EMC1: variants seen among roughly 807,000 people sequenced by gnomAD.
The protein encoded by EMC1 is ER membrane protein complex subunit 1.
In EMC1, 103 loss-of-function variants were observed where a neutral mutation model predicts 128.8. That is an observed-to-expected ratio of 0.80 (90% CI 0.68 to 0.94). The LOEUF (loss-of-function observed/expected upper bound fraction) is 0.94, where lower values mean the gene tolerates loss of function less well. Ranked by LOEUF, EMC1 falls within the 40% of genes least tolerant of loss-of-function variation. The pLI is 0.00. For synonymous variants in EMC1, 442 were observed against 490.4 expected, an observed-to-expected ratio of 0.90 and a Z score of 1.30; for missense variants, 1,083 against 1,250.6, an observed-to-expected ratio of 0.87 and a Z score of 2.02.
chr1:19,244,906 A>C lies in EMC1; in HGVS notation c.220T>G (p.Leu74Val). The change falls in exon 2 of 23, where the codon TTG becomes GTG. Residue 74 changes from leucine (L) to valine (V), a missense_variant and splice_region_variant. Transcript: ENST00000477853. ...TAGACACAGTTCTCAGTTCACTCAC[A>C]GATCTCCCCAGTTCGGGAATTTAAT... Reference protein sequence around the residue: ...AALNSRTGEILWRHVDKGTAE... With the variant: ...AALNSRTGEIVWRHVDKGTAE... 1 of 1,613,576 alleles carries C rather than the reference A, an allele frequency of 6.2e-7. No homozygotes were observed. Among genetic ancestry groups the C allele is most frequent in the Non-Finnish European group, 8.5e-7 (1 of 1,179,616 alleles).
At chr1:19,237,259 C>G in intron 11 of EMC1, 21 bp from the exon 12 acceptor site, 1 of 1,582,362 alleles carries the variant, frequency 6.3e-7, no homozygotes, top group Non-Finnish European at 8.7e-7. Flanking sequence ...CAGTCAAGAC[C>G]GGTGTAGTCA....
intron 6 of EMC1, 61 bp from the exon 7 acceptor site, chr1:19,240,507 C>T: frequency 6.3e-7 from 1 of 1,588,250 alleles, no homozygotes; most frequent in Non-Finnish European, 8.6e-7. Context: ...CCCTCTCAGC[C>T]CAACAGCAAT....
intron 4 of EMC1, among the ~76,000 whole-genome samples, 189 bp downstream of exon 4, chr1:19,243,425 C>T (rs1234665480): frequency 6.6e-6 from 1 of 152,182 alleles, no homozygotes; most frequent in Non-Finnish European, 1.5e-5. Context: ...CACCTAGAAA[C>T]TCTGCATCTA....
At chr1:19,240,043 C>T in intron 7 of EMC1, 58 bp from the exon 8 acceptor site, 1 of 1,526,618 alleles carries the variant, frequency 6.6e-7, no homozygotes, top group Non-Finnish European at 8.9e-7. Context: ...CTGACCCATC[C>T]CAGGCTCACA....
At position 19,240,430 on chromosome 1, in the gene EMC1, G is replaced by C. The variant is rs766355680; in HGVS notation, c.653C>G (p.Pro218Arg). The C allele has an allele frequency of 6.2e-7, 1 of 1,614,042 alleles. No homozygotes were observed. Among genetic ancestry groups the C allele is most frequent in the African/African-American group, 1.3e-5 (1 of 74,930 alleles). ...GGCTCCAGACAGGTGCTGCAGCCAC[G>C]GAGTTGAAACCCTAACCTACAGAAA... ...EIVQQVRVST[P>R]WLQHLSGACG... Residue 218 changes from proline to arginine, a missense_variant, in exon 7 of 23, where the codon CCG becomes CGG. By Grantham distance (103) the Pro-to-Arg change is moderately radical (BLOSUM62 -2). Transcript: ENST00000477853.
intron 18 of EMC1, among the ~76,000 whole-genome samples, chr1:19,225,435 A>AG (rs1558094395): frequency 6.6e-6 from 1 of 152,126 alleles, no homozygotes; most frequent in African/African-American, 2.4e-5. Context: ...GCAGATCACG[A>AG]GATCAAGAGA....
Position 19,216,817 on chromosome 1 carries a change from A to G in EMC1, c.*2486T>C, listed in dbSNP as rs890549716. 5.9e-5 allele frequency: 9 copies of G among 152,214 alleles called. No homozygotes were observed. Among genetic ancestry groups the G allele is most frequent in the African/African-American group, 2.2e-4 (9 of 41,404 alleles). 9.4% of individuals were successfully genotyped at this position (152,214 alleles called of 1,614,324 possible). On this transcript the variant is annotated 3_prime_UTR_variant, in exon 23 of 23. Coordinates refer to ENST00000477853, the MANE Select transcript of EMC1 (RefSeq NM_015047.3). ...GTGATCCTCCTACCTCAGCCTCCTGAGTAGCTAGGACCACAGGCACATGCC... is the reference window on the plus strand; with the variant it reads ...GTGATCCTCCTACCTCAGCCTCCTGGGTAGCTAGGACCACAGGCACATGCC...
intron 2 of EMC1, among the ~76,000 whole-genome samples, chr1:19,244,327 A>C (rs1288854790): frequency 6.6e-6 from 1 of 152,242 alleles, no homozygotes; most frequent in African/African-American, 2.4e-5. Context: ...CCCTTATTTT[A>C]GTGCCTAAAA....
chr1:19,224,337 A>G (rs2151940158), intron 18 of EMC1, among the ~76,000 whole-genome samples: 1 of 152,318 alleles, frequency 6.6e-6, no homozygotes, highest in Admixed American at 6.5e-5. Flanking sequence ...GACTTCACTA[A>G]GAAATTATCT....
chr1:19,240,991 A>G, intron 6 of EMC1, 25 bp downstream of exon 6: 1 of 1,611,922 alleles, frequency 6.2e-7, no homozygotes, highest in East Asian at 2.2e-5. Flanking sequence ...CACCTTATTC[A>G]CAGGCTCCTG....
intron 5 of EMC1, among the ~76,000 whole-genome samples, chr1:19,241,509 C>A (rs974683612): frequency 6.6e-6 from 1 of 152,004 alleles, no homozygotes; most frequent in African/African-American, 2.4e-5. Context: ...CGCCTCATAG[C>A]ATTTTCTTTG....
At chr1:19,226,134 G>C (rs1012091308) in intron 18 of EMC1, among the ~76,000 whole-genome samples, 2 of 152,190 alleles carry the variant, frequency 1.3e-5, no homozygotes, top group Non-Finnish European at 2.9e-5. Flanking sequence ...AGTCTCTGCT[G>C]TACCAGAGGG....
chr1:19,223,091 T>C, intron 19 of EMC1: 1 of 559,912 alleles, frequency 1.8e-6, no homozygotes, highest in Non-Finnish European at 3.2e-6. Context: ...TTTGAATCAT[T>C]ACTAGGTGCC....
Position 19,219,389 on chromosome 1 carries a change from T to C in EMC1, c.2896A>G (p.Ser966Gly), listed in dbSNP as rs764032239. The part of the protein sequence containing the change: ...LKDDYDYVLI[S>G]SVLFGLVFAT... ...AAAACCAGGCCAAAGAGGACGCTGC[T>C]GATTAACACGTAGTCATAGTCATCC... Residue 966 changes from serine to glycine, a missense_variant, in exon 23 of 23, where the codon AGC (serine) becomes GGC (glycine). Coordinates refer to ENST00000477853, the MANE Select transcript of EMC1 (RefSeq NM_015047.3). 4 of 1,614,010 alleles carry C rather than the reference T, an allele frequency of 2.5e-6. No individual in the cohort carries two copies. The African/African-American group carries it at 5.3e-5, about 22-fold the overall frequency.
intron 20 of EMC1, chr1:19,221,223 C>T (rs1006175474): frequency 5.6e-6 from 1 of 177,954 alleles, no homozygotes; most frequent in Non-Finnish European, 1.2e-5. Context: ...GCTGTTCATG[C>T]AGCTGCGGTA....
chr1:19,226,051 C>T (rs2093470669), intron 18 of EMC1, among the ~76,000 whole-genome samples: 1 of 152,194 alleles, frequency 6.6e-6, no homozygotes, highest in East Asian at 1.9e-4. Flanking sequence ...CTGTGTTGCA[C>T]TGGCTCATGC....
rs149691838 is a variant in EMC1 at position 19,221,363 on chromosome 1, C to T, written c.2588-515G>A. 184 of 152,894 alleles carry T rather than the reference C, an allele frequency of 1.2e-3. 5 individuals carry two copies. The East Asian group carries it at 0.027, about 22-fold the overall frequency. The allele number at this position is 152,894 out of a possible 1,614,324, so 9.5% of individuals were successfully genotyped here. Reference sequence around the variant, plus strand: ...ATTTAAGAATTCAATAGGCCAGTCGCGGCGGCTCACACCTGTAATCCCAGC... The same window carrying T: ...ATTTAAGAATTCAATAGGCCAGTCGTGGCGGCTCACACCTGTAATCCCAGC... On this transcript the variant is annotated intron_variant, in intron 20 of 22. Transcript: ENST00000477853.
At chr1:19,222,498 C>T in intron 20 of EMC1, 126 bp downstream of exon 20, 1 of 784,012 alleles carries the variant, frequency 1.3e-6, no homozygotes, top group Non-Finnish European at 2.1e-6. Flanking sequence ...GATATATAGC[C>T]CTCCTCACCA....
Position 19,231,288 on chromosome 1 carries a change from C to A in EMC1, c.1917G>T (p.Val639=). The change falls in exon 16 of 23, where the codon GTG becomes GTT. Residue 639 remains valine (V), a synonymous_variant. Coordinates refer to ENST00000477853, the MANE Select transcript of EMC1 (RefSeq NM_015047.3). ...LPVMDQDYAK[V]LLLIDDEYKV... is the part of the protein sequence containing the mutation. ...TGTATTCATCATCTATCAACAGCAACACCTTGGCGTAGTCTTGATCCATGA... is the reference window on the plus strand; with the variant it reads ...TGTATTCATCATCTATCAACAGCAAAACCTTGGCGTAGTCTTGATCCATGA... 1 of 1,605,080 alleles carries A rather than the reference C, an allele frequency of 6.2e-7. No individual in the cohort carries two copies. The highest frequency in any genetic ancestry group is 8.5e-7 in the Non-Finnish European group (1 of 1,178,006).
Sources: allele counts gnomAD v4.1 joint callset (sites outside exome capture counted in the v4.1 genomes callset), GRCh38; gene constraint gnomAD v4.1.1; transcripts MANE v1.5; gene names NCBI Gene and HGNC (gene_info 2026-07-23, HGNC 2026-07-21).